The following FHIT variants were observed in gnomAD, a reference collection of about 807,000 sequenced individuals.
FHIT encodes fragile histidine triad diadenosine triphosphatase, also known as bis(5'-adenosyl)-triphosphatase.
Under a neutral mutation model 17.9 loss-of-function variants are expected in FHIT, and 19 were observed. That is an observed-to-expected ratio of 1.06 (90% CI 0.74 to 1.56). The LOEUF (loss-of-function observed/expected upper bound fraction) is 1.56. Ranked by LOEUF, FHIT falls within the 40% of genes most tolerant of loss-of-function variation. FHIT has a pLI of 0.00. For missense variants in FHIT, 248 were observed against 189.2 expected (o/e 1.31, Z -1.82); for synonymous variants, 81 against 69.7 (o/e 1.16, Z -0.81).
chr3:60,726,067 A>G (rs2041910947), intron 4 of FHIT, among the ~76,000 whole-genome samples: 1 of 152,306 alleles, frequency 6.6e-6, no homozygotes, highest in South Asian at 2.1e-4. Flanking sequence ...CTAAGCACGT[A>G]TGCGAAATAT....
intron 8 of FHIT, among the ~76,000 whole-genome samples, chr3:59,807,357 G>T (rs1167410245): frequency 6.6e-6 from 1 of 152,148 alleles, no homozygotes; most frequent in African/African-American, 2.4e-5. Context: ...GGTATTAGTA[G>T]CATAGCAGGG....
intron 2 of FHIT, among the ~76,000 whole-genome samples, chr3:61,113,774 G>T (rs780966347): frequency 6.6e-6 from 1 of 152,112 alleles, no homozygotes; most frequent in African/African-American, 2.4e-5. Context: ...GCGGATGCTC[G>T]ATAAACATTT....
chr3:60,217,328 C>T (rs1703741441), intron 5 of FHIT, among the ~76,000 whole-genome samples: 1 of 152,136 alleles, frequency 6.6e-6, no homozygotes, highest in African/African-American at 2.4e-5. Context: ...GAAGAAAAGA[C>T]AAAACATGAG....
At chr3:59,898,769 T>C (rs1052116137) in intron 8 of FHIT, among the ~76,000 whole-genome samples, 2 of 152,064 alleles carry the variant, frequency 1.3e-5, no homozygotes, top group African/African-American at 2.4e-5. Flanking sequence ...AGTTCAGACA[T>C]TGATTTCTCA....
In FHIT at chr3:61,106,526, T is replaced by A. The variant is rs567293432; in HGVS notation, c.-163-64427A>T. Among the ~76,000 whole-genome samples, 21 of 152,318 alleles carry A rather than the reference T, an allele frequency of 1.4e-4. No individual in the cohort carries two copies. In the South Asian group the frequency reaches 3.9e-3, roughly 29 times the overall value. The stretch of plus-strand genomic sequence containing the variant: ...TCTGCTTCTATGAGCTTGGCTTTTT[T>A]AATTAATTAATTTTTTAATAGACAA... On this transcript the variant is annotated intron_variant, in intron 2 of 9. Coordinates refer to ENST00000492590, the MANE Select transcript of FHIT (RefSeq NM_002012.4).
At chr3:59,749,931 C>CTTAG (rs1282176583) in intron 9 of FHIT, 2 of 225,538 alleles carry the variant, frequency 8.9e-6, no homozygotes, top group East Asian at 6.4e-5. Context: ...CCGTCCTAGT[C>CTTAG]TTAGTTACCA....
At chr3:61,086,663 T>C (rs2035315632) in intron 2 of FHIT, among the ~76,000 whole-genome samples, 1 of 152,114 alleles carries the variant, frequency 6.6e-6, no homozygotes, top group Non-Finnish European at 1.5e-5. Context: ...CTGGATGCCT[T>C]GGTAGCCCTT....
intron 4 of FHIT, among the ~76,000 whole-genome samples, chr3:60,695,978 A>G (rs185806012): frequency 2.6e-5 from 4 of 152,332 alleles, no homozygotes; most frequent in African/African-American, 4.8e-5. Flanking sequence ...AGGGCTTTGT[A>G]CGGAGGAATG....
At chr3:61,246,433 T>G (rs1410605944) in intron 1 of FHIT, among the ~76,000 whole-genome samples, 1 of 152,136 alleles carries the variant, frequency 6.6e-6, no homozygotes, top group East Asian at 1.9e-4. Flanking sequence ...AATACATAGC[T>G]ATACATCCAT....
At chr3:59,844,682 G>T (rs1318543069) in intron 8 of FHIT, among the ~76,000 whole-genome samples, 1 of 152,136 alleles carries the variant, frequency 6.6e-6, no homozygotes, top group Non-Finnish European at 1.5e-5. Context: ...GCTTGGTCAT[G>T]ATGTATAATT....
At chr3:59,774,303 C>A (rs1222050191) in intron 8 of FHIT, among the ~76,000 whole-genome samples, 2 of 152,188 alleles carry the variant, frequency 1.3e-5, no homozygotes, top group South Asian at 2.1e-4. Flanking sequence ...ACTGAATAGC[C>A]TGAAGAGCTT....
chr3:60,567,536 A>T (rs549182630), intron 4 of FHIT, among the ~76,000 whole-genome samples: 1 of 152,232 alleles, frequency 6.6e-6, no homozygotes, highest in African/African-American at 2.4e-5. Context: ...CATTCAGGAC[A>T]TAAGTATGGG....
At chr3:60,320,359 C>T (rs1709370133) in intron 5 of FHIT, among the ~76,000 whole-genome samples, 1 of 152,100 alleles carries the variant, frequency 6.6e-6, no homozygotes, top group Non-Finnish European at 1.5e-5. Flanking sequence ...AAGACAACAA[C>T]CTGAAAATCA....
intron 4 of FHIT, among the ~76,000 whole-genome samples, chr3:60,715,267 C>A (rs1239291571): frequency 6.6e-6 from 1 of 152,014 alleles, no homozygotes; most frequent in African/African-American, 2.4e-5. Flanking sequence ...TTTCTTACAC[C>A]TTATACAAAA....
chr3:60,804,208 G>C (rs781786427), intron 4 of FHIT, among the ~76,000 whole-genome samples: 1 of 152,182 alleles, frequency 6.6e-6, no homozygotes, highest in Non-Finnish European at 1.5e-5. Context: ...TACAAACACG[G>C]CTAACTTGCT....
intron 2 of FHIT, among the ~76,000 whole-genome samples, chr3:61,060,036 A>G (rs2034370427): frequency 6.6e-6 from 1 of 152,168 alleles, no homozygotes; most frequent in South Asian, 2.1e-4. Context: ...CAATGGGATG[A>G]TGTCCTGTCC....
chr3:60,461,386 A>G (rs1489328633), intron 5 of FHIT, among the ~76,000 whole-genome samples: 1 of 152,208 alleles, frequency 6.6e-6, no homozygotes, highest in Non-Finnish European at 1.5e-5. Flanking sequence ...ACTCTCCAGC[A>G]GCCCCTAGAG....
chr3:61,002,204 A>G lies in FHIT; in HGVS notation c.-111+39843T>C, dbSNP rs147328152. Among the ~76,000 whole-genome samples, 321 of 152,330 alleles carry G rather than the reference A, an allele frequency of 2.1e-3. 2 individuals are homozygous for G. Among genetic ancestry groups the G allele is most frequent in the African/African-American group, 7.3e-3 (304 of 41,582 alleles). On this transcript the variant is annotated intron_variant, in intron 3 of 9. Transcript: ENST00000492590. ...TACATTTTTATTTACTATAGTCACA[A>G]TGCTGTGCAATAGATCTCAAAAACT... is the stretch of plus-strand genomic sequence containing the variant.
chr3:61,231,657 T>A (rs1295673820), intron 1 of FHIT, among the ~76,000 whole-genome samples: 1 of 152,234 alleles, frequency 6.6e-6, no homozygotes, highest in Non-Finnish European at 1.5e-5. Flanking sequence ...GTACTGAGGA[T>A]CTTCTATATT....
Sources: gnomAD v4.1 joint callset for allele counts (sites outside exome capture counted in the v4.1 genomes callset) on GRCh38, gnomAD v4.1.1 for gene constraint, MANE v1.5 for transcripts, NCBI Gene and HGNC (gene_info 2026-07-23, HGNC 2026-07-21) for gene names.